The following TMEM156 variants were observed in gnomAD, a reference collection of about 807,000 sequenced individuals.
TMEM156 encodes transmembrane protein 156.
A neutral mutation model predicts 30.5 loss-of-function variants in TMEM156; 28 were observed. The ratio of observed to expected loss-of-function variants is 0.92; its 90% CI spans 0.68 to 1.26. The LOEUF is 1.26. Ranked by LOEUF, TMEM156 falls within the 50% of genes most tolerant of loss-of-function variation. The probability of loss-of-function intolerance (pLI) is 0.00; values close to 1 mark genes in which losing one functional copy is unlikely to be tolerated. For synonymous variants in TMEM156, 137 were observed against 119.9 expected, an observed-to-expected ratio of 1.14 and a Z score of -0.93; for missense variants, 351 against 340.6, an observed-to-expected ratio of 1.03 and a Z score of -0.24.
chr4:39,001,513 A>G (rs1033560929), intron 1 of TMEM156, among the ~76,000 whole-genome samples: 18 of 151,400 alleles, frequency 1.2e-4, no homozygotes, highest in African/African-American at 3.4e-4. Flanking sequence ...TCTAAATAAT[A>G]TGGAGCACAA....
chr4:39,001,174 T>A (rs1263860658), intron 1 of TMEM156, among the ~76,000 whole-genome samples: 2 of 142,176 alleles, frequency 1.4e-5, no homozygotes, highest in Non-Finnish European at 3.0e-5. Flanking sequence ...ATGGAGACCA[T>A]CCTGGCTAAC....
At chr4:38,983,213 C>G (rs973258805) in intron 5 of TMEM156, among the ~76,000 whole-genome samples, 1 of 152,138 alleles carries the variant, frequency 6.6e-6, no homozygotes, top group African/African-American at 2.4e-5. Flanking sequence ...CTTAGTTTCC[C>G]TAGCCTCCTG....
chr4:38,986,807 C>CAAAAAAAA (rs59087758), intron 4 of TMEM156, among the ~76,000 whole-genome samples: 7 of 23,746 alleles, frequency 2.9e-4, no homozygotes, highest in East Asian at 1.1e-3. Flanking sequence ...GACTCCATCT[C>CAAAAAAAA]AAAAAAAAAA....
chr4:39,031,613 C>CA (rs1269967235), intron 1 of TMEM156, among the ~76,000 whole-genome samples: 1 of 152,024 alleles, frequency 6.6e-6, no homozygotes, highest in Non-Finnish European at 1.5e-5. Flanking sequence ...GGGCCAGGCA[C>CA]AGTGGCACAA....
chr4:38,995,691 G>A (rs560148418), intron 2 of TMEM156, among the ~76,000 whole-genome samples: 5 of 152,196 alleles, frequency 3.3e-5, no homozygotes, highest in Non-Finnish European at 5.9e-5. Flanking sequence ...CTCCAGCCTG[G>A]TGAGAGAGAA....
chr4:39,016,695 T>C (rs1239286608), intron 1 of TMEM156, among the ~76,000 whole-genome samples: 1 of 152,232 alleles, frequency 6.6e-6, no homozygotes, highest in Non-Finnish European at 1.5e-5. Context: ...TATTACCTAT[T>C]TTTAGCTTTC....
chr4:38,980,430 G>T (rs975203399), intron 5 of TMEM156, among the ~76,000 whole-genome samples: 21 of 152,182 alleles, frequency 1.4e-4, no homozygotes, highest in African/African-American at 5.1e-4. Flanking sequence ...AGTCAATGTA[G>T]AGTTGTATTT....
rs1390807841 is a variant in TMEM156 at position 38,988,938 on chromosome 4, T to C, written c.652A>G (p.Ile218Val). The C allele has an allele frequency of 1.9e-6, 3 of 1,612,486 alleles. No homozygotes were observed. The highest frequency in any genetic ancestry group is 2.5e-6 in the Non-Finnish European group (3 of 1,178,744). The change falls in exon 4 of 7, where the codon ATT (isoleucine) becomes GTT (valine). Residue 218 changes from isoleucine to valine, a missense_variant. Physicochemically the swap from Ile to Val is conservative, Grantham distance 29. Transcript: ENST00000381938. The stretch of plus-strand genomic sequence containing the variant: ...AATATAAAAACTAATAGAACTAAAA[T>C]ATACCAAGTGATCTTCATGGAACAA... ...ITCSMKITWY[I>V]LVLLVFIFLI...
chr4:39,008,411 T>G (rs1457542235), intron 1 of TMEM156, among the ~76,000 whole-genome samples: 1 of 152,170 alleles, frequency 6.6e-6, no homozygotes, highest in Non-Finnish European at 1.5e-5. Flanking sequence ...ATGTAGTGAA[T>G]TACATTATTA....
intron 2 of TMEM156, among the ~76,000 whole-genome samples, chr4:38,996,000 T>A (rs1712898809): frequency 1.3e-5 from 2 of 152,012 alleles, no homozygotes; most frequent in African/African-American, 4.8e-5. Flanking sequence ...ACCTACAGAA[T>A]GAGAGAAAAT....
chr4:38,982,903 T>A (rs776216497), intron 5 of TMEM156, among the ~76,000 whole-genome samples: 1 of 152,206 alleles, frequency 6.6e-6, no homozygotes, highest in Non-Finnish European at 1.5e-5. Flanking sequence ...CAGTCCAGCA[T>A]GTGGACATGT....
chr4:38,971,762 C>G (rs1184468434), intron 5 of TMEM156, among the ~76,000 whole-genome samples: 1 of 151,986 alleles, frequency 6.6e-6, no homozygotes, highest in Non-Finnish European at 1.5e-5. Flanking sequence ...TGATACAAAG[C>G]CCTGAACACA....
At chr4:39,010,220 A>G (rs546965415) in intron 1 of TMEM156, among the ~76,000 whole-genome samples, 3 of 152,344 alleles carry the variant, frequency 2.0e-5, no homozygotes, top group South Asian at 2.1e-4. Context: ...AAGGAGAACT[A>G]CAAAACACTG....
chr4:38,972,303 G>A (rs113065162), intron 5 of TMEM156, among the ~76,000 whole-genome samples: 119 of 128,466 alleles, frequency 9.3e-4, no homozygotes, highest in African/African-American at 3.4e-3. Context: ...GCCCAGGCTA[G>A]AGTGCAATGG....
chr4:39,014,513 C>T (rs887241504), intron 1 of TMEM156, among the ~76,000 whole-genome samples: 1 of 152,066 alleles, frequency 6.6e-6, no homozygotes, highest in Non-Finnish European at 1.5e-5. Flanking sequence ...AATCCCAGCA[C>T]TTTGGGAGGC....
At chr4:38,990,830 G>GTTTTTTTTTTTTTTTTTTGTTTT (rs1712376382) in intron 3 of TMEM156, among the ~76,000 whole-genome samples, 1 of 81,216 alleles carries the variant, frequency 1.2e-5, no homozygotes, top group Non-Finnish European at 2.4e-5. Context: ...TTGTTTTCTG[G>GTTTTTTTTTTTTTTTTTTGTTTT]TTTTTTTTTT....
intron 1 of TMEM156, among the ~76,000 whole-genome samples, chr4:39,030,633 T>C (rs758173384): frequency 6.6e-6 from 1 of 152,218 alleles, no homozygotes; most frequent in African/African-American, 2.4e-5. Context: ...CCAGTTCTCA[T>C]AAAATACTAA....
chr4:39,006,782 T>C (rs978980291), intron 1 of TMEM156, among the ~76,000 whole-genome samples: 1 of 151,660 alleles, frequency 6.6e-6, no homozygotes, highest in African/African-American at 2.4e-5. Context: ...ATAATAATAA[T>C]GATAATAATA....
intron 3 of TMEM156, among the ~76,000 whole-genome samples, chr4:38,992,718 AT>A (rs1351418948): frequency 1.4e-4 from 6 of 43,416 alleles, no homozygotes; most frequent in East Asian, 1.4e-3. Flanking sequence ...TATATTATAT[AT>A]ATATAATATA....
Sources: allele counts gnomAD v4.1 joint callset (sites outside exome capture counted in the v4.1 genomes callset), GRCh38; gene constraint gnomAD v4.1.1; transcripts MANE v1.5; gene names NCBI Gene and HGNC (gene_info 2026-07-23, HGNC 2026-07-21).